ADAT1: variants seen among roughly 807,000 people sequenced by gnomAD.
ADAT1 encodes the protein adenosine deaminase tRNA specific 1.
Under a neutral mutation model 58.6 loss-of-function variants are expected in ADAT1, and 58 were observed. The observed-to-expected ratio is 0.99, with a 90% CI of 0.80 to 1.23. The LOEUF (loss-of-function observed/expected upper bound fraction) is 1.23. Among genes scored for constraint, ADAT1 ranks in the 50% most tolerant of loss-of-function variants. The pLI is 0.00. For synonymous variants in ADAT1, 254 were observed against 220.8 expected (o/e 1.15, Z -1.33); for missense variants, 741 against 608.6 (o/e 1.22, Z -2.29).
Position 75,597,890 on chromosome 16 carries a change from T to C in ADAT1, c.*2326A>G, listed in dbSNP as rs1369479887. ...GATGGGGGGCAGCCATAAATACAGA[T>C]GAAACTTCAAGTGCTCACCTGTTAC... On this transcript the variant is annotated 3_prime_UTR_variant, in exon 10 of 10. Transcript: ENST00000564657. Among the ~76,000 whole-genome samples, 1 of 152,126 alleles carries C rather than the reference T, an allele frequency of 6.6e-6. No individual in the cohort carries two copies. The highest frequency in any genetic ancestry group is 1.5e-5 in the Non-Finnish European group (1 of 68,018).
At chr16:75,616,928 C>A (rs1186256069) in intron 5 of ADAT1, among the ~76,000 whole-genome samples, 3 of 152,124 alleles carry the variant, frequency 2.0e-5, no homozygotes, top group Non-Finnish European at 4.4e-5. Context: ...GACTCTGCAC[C>A]CCTTGCCTCT....
At chr16:75,602,709 A>C (rs2081263268) in intron 9 of ADAT1, among the ~76,000 whole-genome samples, 1 of 152,164 alleles carries the variant, frequency 6.6e-6, no homozygotes, top group Non-Finnish European at 1.5e-5. Context: ...TTTGAAGAGC[A>C]ATTTAAGTCA....
chr16:75,597,869 G>T lies in ADAT1; in HGVS notation c.*2347C>A, dbSNP rs527908678. 6.6e-6 allele frequency among the ~76,000 whole-genome samples: 1 copy of T among 152,298 alleles called. No homozygotes were observed. The highest frequency in any genetic ancestry group is 2.4e-5 in the African/African-American group (1 of 41,566). On this transcript the variant is annotated 3_prime_UTR_variant, in exon 10 of 10. Transcript: ENST00000564657. ...AGCTACGGCAGAAATGTGAGCGATG[G>T]GGGGCAGCCATAAATACAGATGAAA...
intron 5 of ADAT1, among the ~76,000 whole-genome samples, chr16:75,615,205 C>A (rs1028470286): frequency 1.5e-4 from 22 of 150,522 alleles, no homozygotes; most frequent in Admixed American, 4.0e-4. Flanking sequence ...AAAATTCAAT[C>A]GCCATCACTT....
chr16:75,612,354 C>T lies in ADAT1; in HGVS notation c.932G>A (p.Cys311Tyr), dbSNP rs971634142. The T allele has an allele frequency of 1.9e-6, 3 of 1,614,222 alleles. No homozygotes were observed. Among genetic ancestry groups the T allele is most frequent in the Admixed American group, 3.3e-5 (2 of 60,028 alleles). The change falls in exon 6 of 10, where the codon TGC becomes TAC. Residue 311 changes from cysteine to tyrosine, a missense_variant. Physicochemically the swap from Cys to Tyr is radical, Grantham distance 194. Transcript: ENST00000564657. ...DKMARWNVLGCQGALLMHLLE... is the reference protein window; with the variant it reads ...DKMARWNVLGYQGALLMHLLE... ...CAAGTGCATCAACAGTGCCCCTTGG[C>T]ATCCGAGGACGTTCCATCGGGCCAT...
chr16:75,619,668 T>C (rs1458471083), intron 3 of ADAT1: 4 of 454,768 alleles, frequency 8.8e-6, no homozygotes, highest in Middle Eastern at 6.5e-4. Flanking sequence ...CCCAGCACTT[T>C]GGGAGGCCAA....
At chr16:75,603,347 T>G (rs944505454) in intron 8 of ADAT1, among the ~76,000 whole-genome samples, 176 bp from the exon 9 acceptor site, 2 of 152,172 alleles carry the variant, frequency 1.3e-5, no homozygotes, top group African/African-American at 4.8e-5. Flanking sequence ...GGTTGAGGTA[T>G]AAAAACGAGT....
At chr16:75,614,382 A>G (rs1179379664) in intron 5 of ADAT1, among the ~76,000 whole-genome samples, 1 of 152,260 alleles carries the variant, frequency 6.6e-6, no homozygotes, top group Admixed American at 6.5e-5. Context: ...TACAGGAAAC[A>G]GAAGAAAACT....
chr16:75,620,963 T>G (rs1162776303), intron 1 of ADAT1, 143 bp from the exon 2 acceptor site: 2 of 598,372 alleles, frequency 3.3e-6, no homozygotes, highest in East Asian at 6.2e-5. Flanking sequence ...CATTTTCTTC[T>G]ACTATCTCCC....
intron 6 of ADAT1, among the ~76,000 whole-genome samples, chr16:75,611,775 T>C (rs2151762920): frequency 1.3e-5 from 2 of 151,668 alleles, no homozygotes; most frequent in Middle Eastern, 6.8e-3. Context: ...AAAAAATTAT[T>C]AGCCGGGCGC....
chr16:75,602,659 C>A (rs191844542), intron 9 of ADAT1, among the ~76,000 whole-genome samples: 1 of 152,276 alleles, frequency 6.6e-6, no homozygotes, highest in East Asian at 1.9e-4. Context: ...CACCCATCTA[C>A]CTGTTCCCAA....
At chr16:75,604,800 T>C (rs2151748723) in intron 8 of ADAT1, among the ~76,000 whole-genome samples, 1 of 152,222 alleles carries the variant, frequency 6.6e-6, no homozygotes, top group East Asian at 1.9e-4. Flanking sequence ...CAAGTCATCA[T>C]CTGCAGATGA....
chr16:75,600,390 T>G, intron 9 of ADAT1, 42 bp from the exon 10 acceptor site: 1 of 1,607,990 alleles, frequency 6.2e-7, no homozygotes, highest in South Asian at 1.1e-5. Flanking sequence ...TCTCATTGAA[T>G]AGCCCACCCC....
In ADAT1 at chr16:75,599,817, C is replaced by G; in HGVS notation, c.*399G>C. On this transcript the variant is annotated 3_prime_UTR_variant, in exon 10 of 10. Coordinates refer to ENST00000564657, the MANE Select transcript of ADAT1 (RefSeq NM_001324445.2). ...AGGCTGGGAATACAAAATATATATT[C>G]GCTATGCTAGGCAAAGCTGTAAAAC... 1.0e-6 allele frequency: 1 copy of G among 992,476 alleles called. No homozygotes were observed. The highest frequency in any genetic ancestry group is 1.2e-6 in the Non-Finnish European group (1 of 834,478). The allele number at this position is 992,476 out of a possible 1,614,324, so 61.5% of individuals were successfully genotyped here.
At chr16:75,612,156 G>T in intron 6 of ADAT1, 87 bp downstream of exon 6, 11 of 1,405,264 alleles carry the variant, frequency 7.8e-6, no homozygotes, top group Non-Finnish European at 1.1e-5. Flanking sequence ...GGATCAAAAG[G>T]TATGGAGATT....
At chr16:75,615,872 G>C (rs1266099082) in intron 5 of ADAT1, among the ~76,000 whole-genome samples, 1 of 152,194 alleles carries the variant, frequency 6.6e-6, no homozygotes, top group African/African-American at 2.4e-5. Flanking sequence ...AGCTGATTAG[G>C]AAACAACCTT....
At chr16:75,600,385 T>A (rs199566267) in intron 9 of ADAT1, 37 bp from the exon 10 acceptor site, 1 of 1,609,304 alleles carries the variant, frequency 6.2e-7, no homozygotes, top group African/African-American at 1.3e-5. Flanking sequence ...CAGGTTCTCA[T>A]TGAATAGCCC....
intron 8 of ADAT1, among the ~76,000 whole-genome samples, chr16:75,604,281 A>G (rs1370530775): frequency 1.3e-5 from 2 of 150,638 alleles, no homozygotes; most frequent in African/African-American, 2.4e-5. Context: ...AAAAATACAA[A>G]AACTAGCTGG....
intron 5 of ADAT1, among the ~76,000 whole-genome samples, chr16:75,616,005 T>C (rs2081705979): frequency 8.8e-6 from 1 of 113,012 alleles, no homozygotes; most frequent in African/African-American, 3.1e-5. Context: ...CTTCTCTCTC[T>C]TTTTTTTTTT....
Sources: gnomAD v4.1 joint callset for allele counts (sites outside exome capture counted in the v4.1 genomes callset) on GRCh38, gnomAD v4.1.1 for gene constraint, MANE v1.5 for transcripts, NCBI Gene and HGNC (gene_info 2026-07-23, HGNC 2026-07-21) for gene names.